The following MAD1L1 variants were observed in gnomAD, a reference collection of about 807,000 sequenced individuals.
MAD1L1 encodes mitotic spindle assembly checkpoint protein MAD1.
A neutral mutation model predicts 96.9 loss-of-function variants in MAD1L1; 95 were observed. The observed-to-expected ratio is 0.98, with a 90% CI of 0.83 to 1.16. The LOEUF (loss-of-function observed/expected upper bound fraction) is 1.16. Ranked by LOEUF, MAD1L1 falls within the 50% of genes most tolerant of loss-of-function variation. The pLI is 0.00. For synonymous variants in MAD1L1, 473 were observed against 396.6 expected (o/e 1.19, Z -2.29); for missense variants, 1,007 against 954.4 (o/e 1.06, Z -0.73).
chr7:2,076,184 A>G (rs1204735545), intron 11 of MAD1L1, among the ~76,000 whole-genome samples: 1 of 152,220 alleles, frequency 6.6e-6, no homozygotes, highest in East Asian at 1.9e-4. Context: ...GCCCGGGCCC[A>G]GGGCAAAACC....
chr7:2,072,673 C>A (rs1000775070), intron 11 of MAD1L1, among the ~76,000 whole-genome samples: 1 of 152,248 alleles, frequency 6.6e-6, no homozygotes, highest in South Asian at 2.1e-4. Flanking sequence ...ATTCCCTGTA[C>A]TCTGCTTCAA....
intron 17 of MAD1L1, among the ~76,000 whole-genome samples, chr7:1,932,007 G>C (rs1218217034): frequency 6.6e-6 from 1 of 152,234 alleles, no homozygotes; most frequent in Non-Finnish European, 1.5e-5. Context: ...AGTGACCCAG[G>C]GACCTGGGGA....
At chr7:1,959,626 A>G (rs537588622) in intron 15 of MAD1L1, among the ~76,000 whole-genome samples, 19 of 152,356 alleles carry the variant, frequency 1.2e-4, no homozygotes, top group African/African-American at 4.6e-4. Flanking sequence ...AAACAGTGCA[A>G]CGGAGAAAAG....
At chr7:2,202,962 T>A (rs1386667201) in intron 10 of MAD1L1, among the ~76,000 whole-genome samples, 1 of 152,214 alleles carries the variant, frequency 6.6e-6, no homozygotes, top group Non-Finnish European at 1.5e-5. Flanking sequence ...CAGCTTTGAC[T>A]ACAGGGGATG....
intron 18 of MAD1L1, among the ~76,000 whole-genome samples, chr7:1,867,350 C>CT (rs59763561): frequency 6.6e-6 from 1 of 152,106 alleles, no homozygotes; most frequent in Non-Finnish European, 1.5e-5. Context: ...AGGACCCCCC[C>CT]GGAAGATGTA....
intron 16 of MAD1L1, among the ~76,000 whole-genome samples, chr7:1,954,148 C>T (rs1235566187): frequency 3.9e-5 from 6 of 152,174 alleles, no homozygotes; most frequent in Non-Finnish European, 7.4e-5. Flanking sequence ...GTCCAAGTGT[C>T]TTGGAGGTAA....
chr7:2,178,770 G>A (rs911357661), intron 10 of MAD1L1, among the ~76,000 whole-genome samples: 16 of 151,784 alleles, frequency 1.1e-4, no homozygotes, highest in African/African-American at 2.4e-4. Flanking sequence ...GGTGGCGGGC[G>A]CCTGTAATCC....
chr7:2,133,597 TGTTGTAC>T (rs971899300), intron 11 of MAD1L1, among the ~76,000 whole-genome samples: 2 of 152,242 alleles, frequency 1.3e-5, no homozygotes, highest in African/African-American at 4.8e-5. Context: ...GTGCCTTTGG[TGTTGTAC>T]GTTAAAAGTC....
intron 12 of MAD1L1, among the ~76,000 whole-genome samples, chr7:2,052,802 C>T (rs189218888): frequency 7.2e-4 from 109 of 152,198 alleles, no homozygotes; most frequent in Non-Finnish European, 1.2e-3. Context: ...GACTGCTGCC[C>T]GGAACAGACA....
intron 18 of MAD1L1, among the ~76,000 whole-genome samples, chr7:1,871,691 A>T (rs1398051997): frequency 7.4e-6 from 1 of 134,602 alleles, no homozygotes; most frequent in African/African-American, 2.9e-5. Flanking sequence ...TGAACCCAAC[A>T]TAACACCTGC....
chr7:1,927,357 G>A (rs1239475232), intron 17 of MAD1L1, among the ~76,000 whole-genome samples: 1 of 152,224 alleles, frequency 6.6e-6, no homozygotes, highest in Non-Finnish European at 1.5e-5. Context: ...CTGAGCAGGC[G>A]TTTTGCAGGT....
intron 11 of MAD1L1, among the ~76,000 whole-genome samples, chr7:2,078,374 C>A (rs1162318565): frequency 6.6e-6 from 1 of 152,218 alleles, no homozygotes; most frequent in African/African-American, 2.4e-5. Flanking sequence ...TGCGAATGGG[C>A]AGGGGAGGAC....
intron 18 of MAD1L1, among the ~76,000 whole-genome samples, chr7:1,862,218 C>T (rs1390486201): frequency 6.6e-6 from 1 of 152,220 alleles, no homozygotes; most frequent in African/African-American, 2.4e-5. Flanking sequence ...TTGGTCTCCT[C>T]AGCACACCGA....
chr7:1,873,767 A>G (rs1785233009), intron 18 of MAD1L1, among the ~76,000 whole-genome samples: 1 of 151,632 alleles, frequency 6.6e-6, no homozygotes, highest in Non-Finnish European at 1.5e-5. Flanking sequence ...ACCGAAGCCC[A>G]AGCTGGCCCT....
Position 2,119,452 on chromosome 7 carries a change from G to C in MAD1L1, c.1073+29700C>G, listed in dbSNP as rs1029720864. On this transcript the variant is annotated intron_variant, in intron 11 of 18. Transcript: ENST00000265854. The surrounding 1 kb of genome is among the most constrained non-coding windows in gnomAD (Gnocchi z 4.6). ...TGTCGTGGGGCGCACACTCTCTGTA[G>C]CTGGCCAAAGCTGGACGACGCCACA... Among the ~76,000 whole-genome samples, 1 of 152,148 alleles carries C rather than the reference G, an allele frequency of 6.6e-6. No individual in the cohort carries two copies. Among genetic ancestry groups the C allele is most frequent in the Non-Finnish European group, 1.5e-5 (1 of 68,024 alleles).
intron 15 of MAD1L1, among the ~76,000 whole-genome samples, chr7:1,958,589 C>CTGA (rs1779825827): frequency 6.6e-6 from 1 of 152,114 alleles, no homozygotes; most frequent in South Asian, 2.1e-4. Flanking sequence ...GAAAAAAGAT[C>CTGA]AAGAAGATTG....
At chr7:2,094,293 C>A (rs906765365) in intron 11 of MAD1L1, among the ~76,000 whole-genome samples, 1 of 152,214 alleles carries the variant, frequency 6.6e-6, no homozygotes, top group Non-Finnish European at 1.5e-5. Context: ...CCTCTGGATG[C>A]AGAATCCACA....
rs1403849790 is a variant in MAD1L1 at position 2,222,564 on chromosome 7, G to A, written c.471+11C>T. On this transcript the variant is annotated intron_variant, in intron 5 of 18. Transcript: ENST00000265854. ...GAAAACAGCTCCCTGCGCAGCAGAG[G>A]CCCCGCTCACCTCGCCAGCCTGGGC... is the stretch of plus-strand genomic sequence containing the variant. 1 of 1,582,184 alleles carries A rather than the reference G, an allele frequency of 6.3e-7. No individual in the cohort carries two copies. The highest frequency in any genetic ancestry group is 8.6e-7 in the Non-Finnish European group (1 of 1,163,912).
At chr7:2,149,650 G>A (rs1169659277) in intron 10 of MAD1L1, among the ~76,000 whole-genome samples, 3 of 152,164 alleles carry the variant, frequency 2.0e-5, no homozygotes, top group Admixed American at 6.5e-5. Context: ...TAAAATCAGC[G>A]ATCTCCAGGT....
Sources: gnomAD v4.1 joint callset for allele counts (sites outside exome capture counted in the v4.1 genomes callset) on GRCh38, gnomAD v4.1.1 for gene constraint, Gnocchi (gnomAD v3.1) non-coding constraint, MANE v1.5 for transcripts, NCBI Gene and HGNC (gene_info 2026-07-23, HGNC 2026-07-21) for gene names.